The following PCDH15 variants were observed in gnomAD, a reference collection of about 807,000 sequenced individuals.
PCDH15 encodes the protein protocadherin related 15.
PCDH15 carries 129 observed loss-of-function variants against 178.5 expected under a neutral mutation model. That is an observed-to-expected ratio of 0.72 (90% confidence interval 0.63 to 0.84). The LOEUF (loss-of-function observed/expected upper bound fraction) is 0.84. Ranked by LOEUF, PCDH15 falls within the 40% of genes least tolerant of loss-of-function variation. The pLI, the probability that PCDH15 is intolerant of heterozygous loss-of-function variation, is 0.00. For missense variants in PCDH15, 2,230 were observed against 2,099.9 expected, an observed-to-expected ratio of 1.06 and a Z score of -1.21; for synonymous variants, 800 against 732.0, an observed-to-expected ratio of 1.09 and a Z score of -1.50.
chr10:55,090,165 G>A (rs1226068209), intron 2 of PCDH15, among the ~76,000 whole-genome samples: 1 of 151,646 alleles, frequency 6.6e-6, no homozygotes, highest in East Asian at 1.9e-4. Context: ...TATTTTACTA[G>A]GAAAAATTAA....
chr10:55,280,551 A>AGTGCTG (rs1842706392), intron 1 of PCDH15, among the ~76,000 whole-genome samples: 1 of 150,050 alleles, frequency 6.7e-6, no homozygotes, highest in African/African-American at 2.5e-5. Flanking sequence ...GGCCTCCCAA[A>AGTGCTG]GTGCTGGGAT....
At chr10:54,026,562 A>G (rs2093101139) in intron 18 of PCDH15, among the ~76,000 whole-genome samples, 1 of 152,222 alleles carries the variant, frequency 6.6e-6, no homozygotes. Context: ...CTGAATTCAA[A>G]GCTACCATGA....
At chr10:55,541,169 A>C (rs1392601499) in intron 2 of PCDH15, among the ~76,000 whole-genome samples, 1 of 152,030 alleles carries the variant, frequency 6.6e-6, no homozygotes, top group Non-Finnish European at 1.5e-5. Context: ...AAGTAATCTG[A>C]ATGTGGAATA....
At chr10:54,282,089 TC>T (rs1375342871) in intron 8 of PCDH15, among the ~76,000 whole-genome samples, 2 of 152,120 alleles carry the variant, frequency 1.3e-5, no homozygotes, top group African/African-American at 4.8e-5. Context: ...TCAAGAACTC[TC>T]CTGCATTTAT....
chr10:54,597,999 G>A (rs2092325521), intron 2 of PCDH15, among the ~76,000 whole-genome samples: 1 of 151,886 alleles, frequency 6.6e-6, no homozygotes. Context: ...TAAACAGCCT[G>A]CAAACCAAAA....
intron 2 of PCDH15, among the ~76,000 whole-genome samples, chr10:54,582,860 T>C (rs1302178590): frequency 6.6e-6 from 1 of 152,100 alleles, no homozygotes; most frequent in African/African-American, 2.4e-5. Flanking sequence ...CACTGCACTC[T>C]AGGCAATAGA....
chr10:54,176,893 T>C (rs2047492482), intron 13 of PCDH15, among the ~76,000 whole-genome samples: 1 of 152,234 alleles, frequency 6.6e-6, no homozygotes, highest in Non-Finnish European at 1.5e-5. Context: ...ATATTCATTC[T>C]ATATGATCCA....
chr10:55,334,443 G>T (rs1340989406), intron 2 of PCDH15, among the ~76,000 whole-genome samples: 2 of 151,028 alleles, frequency 1.3e-5, no homozygotes, highest in South Asian at 2.1e-4. Flanking sequence ...AAGTAGGTGG[G>T]ATTACAAACA....
intron 2 of PCDH15, among the ~76,000 whole-genome samples, chr10:55,068,532 C>T (rs1418906420): frequency 6.6e-6 from 1 of 152,026 alleles, no homozygotes; most frequent in African/African-American, 2.4e-5. Context: ...AGTATGATTC[C>T]TTCAGCTTTG....
At chr10:54,662,620 A>G (rs1160725169) in intron 2 of PCDH15, among the ~76,000 whole-genome samples, 1 of 152,002 alleles carries the variant, frequency 6.6e-6, no homozygotes, top group Non-Finnish European at 1.5e-5. Context: ...AAACCAATTT[A>G]TAGCATTACA....
intron 2 of PCDH15, among the ~76,000 whole-genome samples, chr10:55,515,901 T>C (rs1159638119): frequency 6.6e-6 from 1 of 152,172 alleles, no homozygotes; most frequent in Non-Finnish European, 1.5e-5. Context: ...AAATATACCT[T>C]TATCCTTTGT....
At chr10:54,996,455 C>T (rs545265731) in intron 2 of PCDH15, among the ~76,000 whole-genome samples, 1 of 152,172 alleles carries the variant, frequency 6.6e-6, no homozygotes, top group South Asian at 2.1e-4. Context: ...GTTTGTTGCT[C>T]AGTATGTGGA....
intron 2 of PCDH15, among the ~76,000 whole-genome samples, chr10:55,501,867 C>T (rs182600320): frequency 1.3e-5 from 2 of 151,838 alleles, no homozygotes; most frequent in African/African-American, 4.8e-5. Context: ...CCATCATCCA[C>T]ACTAACTTTG....
chr10:55,241,578 C>A (rs1022834921), intron 1 of PCDH15, among the ~76,000 whole-genome samples: 6 of 151,998 alleles, frequency 3.9e-5, no homozygotes, highest in African/African-American at 1.4e-4. Flanking sequence ...CACCACCGTG[C>A]CTGGCTAATT....
chr10:55,439,505 C>T (rs1393253968), intron 2 of PCDH15, among the ~76,000 whole-genome samples: 1 of 151,748 alleles, frequency 6.6e-6, no homozygotes, highest in Admixed American at 6.6e-5. Context: ...ATTAATGTAG[C>T]TGAAGACTTT....
At position 54,588,778 on chromosome 10, in the gene PCDH15, G is replaced by A. The variant is rs190703506; in HGVS notation, c.92-60901C>T. ...TTGTAAAGACACGGTCTGACTATGT[G>A]GCCGGGGCTAGTCTTGAACTCTTGG... On this transcript the variant is annotated intron_variant, in intron 2 of 37. Transcript: ENST00000644397. Among the ~76,000 whole-genome samples, 678 of 152,070 alleles carry A rather than the reference G, an allele frequency of 4.5e-3. 5 individuals carry two copies. Among genetic ancestry groups the A allele is most frequent in the Non-Finnish European group, 7.5e-3 (510 of 68,002 alleles).
Position 54,981,434 on chromosome 10 carries a change from C to T in PCDH15, c.-79-83934G>A, listed in dbSNP as rs527908206. 2.0e-4 allele frequency among the ~76,000 whole-genome samples: 31 copies of T among 152,166 alleles called. No homozygotes were observed. The South Asian group carries it at 6.4e-3, about 32-fold the overall frequency. The stretch of plus-strand genomic sequence containing the variant: ...TACTTCTATAAGGAGGTATTATTGG[C>T]TATTTTTGTATCCTGAAATCAACTA... On this transcript the variant is annotated intron_variant, in intron 2 of 5. Coordinates refer to the PCDH15 transcript ENST00000458638.
chr10:54,735,997 C>A (rs61854088), intron 1 of PCDH15, among the ~76,000 whole-genome samples: 68,976 of 149,578 alleles, frequency 0.46, 16,959 homozygotes, highest in Middle Eastern at 0.65. Flanking sequence ...GCACATGTAC[C>A]CTAAAACTTA....
intron 3 of PCDH15, among the ~76,000 whole-genome samples, chr10:54,436,274 T>G (rs1341149801): frequency 6.6e-6 from 1 of 152,000 alleles, no homozygotes; most frequent in Non-Finnish European, 1.5e-5. Context: ...TTTTTTTGTT[T>G]GTGTTTTTGA....
Sources: gnomAD v4.1 joint callset for allele counts (sites outside exome capture counted in the v4.1 genomes callset) on GRCh38, gnomAD v4.1.1 for gene constraint, MANE v1.5 for transcripts, NCBI Gene and HGNC (gene_info 2026-07-23, HGNC 2026-07-21) for gene names.